ZDHHC7: variants seen among roughly 807,000 people sequenced by gnomAD.
ZDHHC7 encodes the protein palmitoyltransferase ZDHHC7.
Under a neutral mutation model 34.1 loss-of-function variants are expected in ZDHHC7, and 12 were observed. The observed-to-expected ratio is 0.35, with a 90% CI of 0.23 to 0.57. The LOEUF is 0.57. Ranked by LOEUF, ZDHHC7 falls within the 20% of genes least tolerant of loss-of-function variation. ZDHHC7 has a pLI of 0.84. For synonymous variants in ZDHHC7, 185 were observed against 155.4 expected, an observed-to-expected ratio of 1.19 and a Z score of -1.42; for missense variants, 388 against 402.7, an observed-to-expected ratio of 0.96 and a Z score of 0.31.
At position 84,976,527 on chromosome 16, in the gene ZDHHC7, C is replaced by G. The variant is rs1288751111; in HGVS notation, c.751-8G>C. ...TTTCAATCGCTCGATCTCCTGGAAGCAGAAAGAAAAGCAAGTGGCAGCGGC... is the reference window on the plus strand; with the variant it reads ...TTTCAATCGCTCGATCTCCTGGAAGGAGAAAGAAAAGCAAGTGGCAGCGGC... On this transcript the variant is annotated splice_region_variant and splice_polypyrimidine_tract_variant and intron_variant, in intron 7 of 7. Coordinates refer to ENST00000313732, the MANE Select transcript of ZDHHC7 (RefSeq NM_017740.3). 1 of 1,612,428 alleles carries G rather than the reference C, an allele frequency of 6.2e-7. No homozygotes were observed. The highest frequency in any genetic ancestry group is 8.5e-7 in the Non-Finnish European group (1 of 1,179,794).
the ZDHHC7 span, among the ~76,000 whole-genome samples, chr16:85,022,001 A>C: frequency 6.8e-6 from 1 of 147,430 alleles, no homozygotes; most frequent in African/African-American, 2.5e-5. Flanking sequence ...CTAAAAATAC[A>C]AAAAAAAAAT....
At chr16:84,993,637 C>A (rs1317169001) in intron 2 of ZDHHC7, among the ~76,000 whole-genome samples, 6 of 151,870 alleles carry the variant, frequency 4.0e-5, no homozygotes, top group African/African-American at 1.5e-4. Context: ...GTAAGTAAGA[C>A]CCAATGTCAA....
chr16:85,010,697 A>G (rs1226769263), intron 1 of ZDHHC7, among the ~76,000 whole-genome samples: 1 of 152,248 alleles, frequency 6.6e-6, no homozygotes, highest in African/African-American at 2.4e-5. Flanking sequence ...ACTGAGTGTG[A>G]CAAAGTTGTA....
intron 1 of ZDHHC7, among the ~76,000 whole-genome samples, chr16:85,002,397 T>C (rs2072664893): frequency 6.6e-6 from 1 of 152,152 alleles, no homozygotes; most frequent in African/African-American, 2.4e-5. Flanking sequence ...ATGAGTCCTG[T>C]GGACAGAACA....
At chr16:85,012,006 C>T (rs528772306), upstream of ZDHHC7, among the ~76,000 whole-genome samples, 4 of 152,338 alleles carry the variant, frequency 2.6e-5, no homozygotes, top group East Asian at 1.9e-4. Flanking sequence ...GAGCCCCCGG[C>T]CTCCTCCTTG....
At chr16:85,022,166 A>G in the ZDHHC7 span, among the ~76,000 whole-genome samples, 1 of 151,646 alleles carries the variant, frequency 6.6e-6, no homozygotes, top group African/African-American at 2.4e-5. Flanking sequence ...TCTCAAAAAA[A>G]AAAAAGGGCA....
At chr16:84,977,294 G>C in intron 6 of ZDHHC7, 69 bp from the exon 7 acceptor site, 1 of 1,586,574 alleles carries the variant, frequency 6.3e-7, no homozygotes, top group Non-Finnish European at 8.6e-7. Context: ...TTGGCTCAGA[G>C]AAGAATCCTC....
At chr16:85,001,157 T>C (rs996764118) in intron 1 of ZDHHC7, among the ~76,000 whole-genome samples, 2 of 152,086 alleles carry the variant, frequency 1.3e-5, no homozygotes, top group African/African-American at 2.4e-5. Flanking sequence ...CACCAGACCT[T>C]AGGTAAACCA....
rs113766418 is a variant in ZDHHC7 at position 84,980,679 on chromosome 16, A to C, written c.440+1191T>G. On this transcript the variant is annotated intron_variant, in intron 4 of 7. Coordinates refer to ENST00000313732, the MANE Select transcript of ZDHHC7 (RefSeq NM_017740.3). Reference sequence around the variant, plus strand: ...AGCAAGACTCCATCCCCCCATCCCCAAAAAATTTATATACCATAAAAGTTC... The same window carrying C: ...AGCAAGACTCCATCCCCCCATCCCCCAAAAATTTATATACCATAAAAGTTC... Among the ~76,000 whole-genome samples the C allele has an allele frequency of 6.2e-3, 937 of 152,220 alleles. 6 individuals carry two copies. The highest frequency in any genetic ancestry group is 0.012 in the African/African-American group (502 of 41,554).
At chr16:85,025,574 T>TA in the ZDHHC7 span, among the ~76,000 whole-genome samples, 2 of 152,148 alleles carry the variant, frequency 1.3e-5, no homozygotes, top group African/African-American at 4.8e-5. Flanking sequence ...CATGCCCAGC[T>TA]AATCTTTGTA....
intron 3 of ZDHHC7, among the ~76,000 whole-genome samples, chr16:84,986,387 GA>G (rs2072437336): frequency 6.6e-6 from 1 of 152,220 alleles, no homozygotes; most frequent in Non-Finnish European, 1.5e-5. Flanking sequence ...GTGACGGTGG[GA>G]GGAAAGCACG....
chr16:84,985,785 T>A (rs940474035), intron 3 of ZDHHC7, among the ~76,000 whole-genome samples: 6 of 151,702 alleles, frequency 4.0e-5, no homozygotes, highest in African/African-American at 1.5e-4. Flanking sequence ...TGAAACCCCA[T>A]CTCTACTAAA....
the ZDHHC7 span, among the ~76,000 whole-genome samples, chr16:85,023,065 C>A: frequency 1.3e-5 from 2 of 152,158 alleles, no homozygotes; most frequent in African/African-American, 4.8e-5. Context: ...ACAATTCTCC[C>A]CTAGAGCCTC....
chr16:84,976,487 T>C lies in ZDHHC7; in HGVS notation c.783A>G (p.Thr261=), dbSNP rs747737773. 1.5e-5 allele frequency: 25 copies of C among 1,613,754 alleles called. No homozygotes were observed. The highest frequency in any genetic ancestry group is 8.3e-5 in the Admixed American group (5 of 59,952). The change falls in exon 8 of 8, where the codon ACA becomes ACG. Residue 261 remains threonine (T), a synonymous_variant. Coordinates refer to ENST00000313732, the MANE Select transcript of ZDHHC7 (RefSeq NM_017740.3). The stretch of plus-strand genomic sequence containing the variant: ...CTTCCCATCGCAGCCTCCGCTCCCA[T>C]GTGGGCTTCTCACTTTTCAATCGCT... ...EIERLKSEKP[T]WERRLRWEGM...
chr16:84,977,916 G>A lies in ZDHHC7; in HGVS notation c.619+8C>T. On this transcript the variant is annotated splice_region_variant and intron_variant, in intron 6 of 7. Coordinates refer to ENST00000313732, the MANE Select transcript of ZDHHC7 (RefSeq NM_017740.3). ...AAGCCAGGAATGACACATAGCCAGG[G>A]AACTTACCAGTCCACTGCCCTCGGA... The A allele has an allele frequency of 6.2e-7, 1 of 1,611,250 alleles. No individual in the cohort carries two copies.
intron 3 of ZDHHC7, 109 bp downstream of exon 3, chr16:84,990,195 C>T: frequency 7.7e-7 from 1 of 1,296,910 alleles, no homozygotes; most frequent in Admixed American, 2.3e-5. Flanking sequence ...TCTTGTTCCA[C>T]ACCCATGTCA....
intron 1 of ZDHHC7, among the ~76,000 whole-genome samples, chr16:85,001,594 C>T (rs894510397): frequency 6.6e-6 from 1 of 151,828 alleles, no homozygotes; most frequent in African/African-American, 2.4e-5. Context: ...AAGGAAGATA[C>T]AAGCAGTTGC....
upstream of ZDHHC7, among the ~76,000 whole-genome samples, chr16:85,013,608 T>C (rs1309771438): frequency 6.6e-6 from 1 of 152,232 alleles, no homozygotes; most frequent in African/African-American, 2.4e-5. Context: ...TTCGAGTTAC[T>C]CTTTCCCAAG....
At chr16:84,986,697 T>C (rs2072441368) in intron 3 of ZDHHC7, among the ~76,000 whole-genome samples, 1 of 152,144 alleles carries the variant, frequency 6.6e-6, no homozygotes, top group Non-Finnish European at 1.5e-5. Flanking sequence ...AAAGCACCAA[T>C]GACTTTCCTC....
Sources: allele counts gnomAD v4.1 joint callset (sites outside exome capture counted in the v4.1 genomes callset), GRCh38; gene constraint gnomAD v4.1.1; transcripts MANE v1.5; gene names NCBI Gene and HGNC (gene_info 2026-07-23, HGNC 2026-07-21).